Variants in ST8SIA4 observed in about 807,000 individuals in gnomAD.
The protein encoded by ST8SIA4 is CMP-N-acetylneuraminate-poly-alpha-2,8-sialyltransferase.
A neutral mutation model predicts 33.9 loss-of-function variants in ST8SIA4; 15 were observed. The observed-to-expected ratio is 0.44, with a 90% CI of 0.30 to 0.68. The LOEUF (loss-of-function observed/expected upper bound fraction) is 0.68. Ranked by LOEUF, ST8SIA4 falls within the 30% of genes least tolerant of loss-of-function variation. ST8SIA4 has a pLI of 0.10. For synonymous variants in ST8SIA4, 171 were observed against 151.2 expected (o/e 1.13, Z -0.96); for missense variants, 321 against 428.0 (o/e 0.75, Z 2.21).
At position 100,895,672 on chromosome 5, in the gene ST8SIA4, G is replaced by T; in HGVS notation, c.227C>A (p.Ser76Tyr). 1 of 1,611,138 alleles carries T rather than the reference G, an allele frequency of 6.2e-7. No homozygotes were observed. Among genetic ancestry groups the T allele is most frequent in the Non-Finnish European group, 8.5e-7 (1 of 1,178,364 alleles). Residue 76 changes from serine to tyrosine, a missense_variant, in exon 2 of 5, where the codon TCT (serine) becomes TAT (tyrosine). Coordinates refer to ENST00000231461, the MANE Select transcript of ST8SIA4 (RefSeq NM_005668.6). Reference sequence around the variant, plus strand: ...AACTCACCTTATCTCTAGGACCAAAGAGGAATTGATTTTCCAACCTTCTAC... The same window carrying T: ...AACTCACCTTATCTCTAGGACCAAATAGGAATTGATTTTCCAACCTTCTAC... Reference protein sequence around the residue: ...HNVEGWKINSSLVLEIRKNIL... With the variant: ...HNVEGWKINSYLVLEIRKNIL...
At chr5:100,860,612 T>C (rs1751915754) in intron 3 of ST8SIA4, among the ~76,000 whole-genome samples, 1 of 152,164 alleles carries the variant, frequency 6.6e-6, no homozygotes, top group African/African-American at 2.4e-5. Flanking sequence ...TAAAAAGTAG[T>C]ATCAACTTCA....
At chr5:100,899,103 A>G (rs1174604906) in intron 1 of ST8SIA4, among the ~76,000 whole-genome samples, 1 of 152,174 alleles carries the variant, frequency 6.6e-6, no homozygotes, top group East Asian at 1.9e-4. Flanking sequence ...ACTTCATGGT[A>G]TTAGGTCTCA....
chr5:100,858,006 C>A (rs1168207405), intron 3 of ST8SIA4, among the ~76,000 whole-genome samples: 5 of 151,964 alleles, frequency 3.3e-5, no homozygotes, highest in Non-Finnish European at 5.9e-5. Context: ...TATTCATTCT[C>A]ATTATGGTAA....
rs1243027447 is a variant in ST8SIA4, at chr5:100,895,841, A to G, written c.114-56T>C. The G allele has an allele frequency of 3.2e-6, 5 of 1,560,084 alleles. No homozygotes were observed. The East Asian group carries it at 1.1e-4, about 35-fold the overall frequency. Reference sequence around the variant, plus strand: ...AAAGTAAGAAACATTTTGTGTATACAGCACAGTACATAATTTGAATTAATT... The same window carrying G: ...AAAGTAAGAAACATTTTGTGTATACGGCACAGTACATAATTTGAATTAATT... On this transcript the variant is annotated intron_variant, in intron 1 of 4. Coordinates refer to ENST00000231461, the MANE Select transcript of ST8SIA4 (RefSeq NM_005668.6).
At chr5:100,877,892 G>T (rs1752340231) in intron 3 of ST8SIA4, among the ~76,000 whole-genome samples, 1 of 152,178 alleles carries the variant, frequency 6.6e-6, no homozygotes, top group African/African-American at 2.4e-5. Flanking sequence ...TGGGAAAATG[G>T]GTTGGCATTG....
chr5:100,854,744 C>T (rs1415044172), intron 4 of ST8SIA4, among the ~76,000 whole-genome samples: 1 of 152,132 alleles, frequency 6.6e-6, no homozygotes, highest in African/African-American at 2.4e-5. Flanking sequence ...ATACCTTAGC[C>T]CAGTTCCTAT....
At chr5:100,853,658 T>G (rs922961807) in intron 4 of ST8SIA4, among the ~76,000 whole-genome samples, 3 of 152,212 alleles carry the variant, frequency 2.0e-5, no homozygotes, top group Non-Finnish European at 4.4e-5. Flanking sequence ...GGACAAAAGA[T>G]AGGAGTCTTG....
intron 4 of ST8SIA4, among the ~76,000 whole-genome samples, chr5:100,817,180 G>A (rs762462791): frequency 4.6e-4 from 60 of 129,278 alleles, no homozygotes; most frequent in Non-Finnish European, 8.0e-4. Context: ...TGTTGGCCAG[G>A]CTGGTCTCAA....
At chr5:100,882,427 A>G (rs1249088208) in intron 3 of ST8SIA4, among the ~76,000 whole-genome samples, 1 of 152,222 alleles carries the variant, frequency 6.6e-6, no homozygotes, top group East Asian at 1.9e-4. Context: ...ACTCAGTTTT[A>G]GAAGAGAAAC....
At position 100,856,363 on chromosome 5, in the gene ST8SIA4, T is replaced by C. The variant is rs781238958; in HGVS notation, c.537A>G (p.Ala179=). 2.9e-5 allele frequency: 46 copies of C among 1,613,776 alleles called. No homozygotes were observed. The highest frequency in any genetic ancestry group is 3.8e-5 in the Non-Finnish European group (45 of 1,179,872). ...TAAAATCTGATTTAGTTCCCACATC[T>C]GCAGCAAACTCCACCACAGGAGCTA... The part of the protein sequence containing the change: ...CNLAPVVEFA[A]DVGTKSDFIT... Residue 179 remains alanine, a synonymous_variant, in exon 4 of 5, where the codon GCA becomes GCG. Coordinates refer to ENST00000231461, the MANE Select transcript of ST8SIA4 (RefSeq NM_005668.6).
At chr5:100,867,146 A>G (rs1752084611) in intron 3 of ST8SIA4, among the ~76,000 whole-genome samples, 2 of 152,088 alleles carry the variant, frequency 1.3e-5, no homozygotes, top group African/African-American at 4.8e-5. Flanking sequence ...CTTTGTAATT[A>G]AAAAGAAGTG....
At chr5:100,859,026 C>T (rs1436825462) in intron 3 of ST8SIA4, among the ~76,000 whole-genome samples, 1 of 152,050 alleles carries the variant, frequency 6.6e-6, no homozygotes, top group Non-Finnish European at 1.5e-5. Context: ...AAATTAACAA[C>T]TCTGTGGTTG....
At chr5:100,835,647 T>C (rs559101794) in intron 4 of ST8SIA4, among the ~76,000 whole-genome samples, 2 of 152,164 alleles carry the variant, frequency 1.3e-5, no homozygotes, top group Non-Finnish European at 2.9e-5. Flanking sequence ...AACGTCATTA[T>C]AGATGCTGTG....
rs145103055 is a variant in ST8SIA4 at position 100,838,555 on chromosome 5, T to C, written c.797+17548A>G. Among the ~76,000 whole-genome samples the C allele has an allele frequency of 3.7e-3, 556 of 152,148 alleles. 2 individuals carry two copies. The highest frequency in any genetic ancestry group is 0.013 in the African/African-American group (532 of 41,548). On this transcript the variant is annotated intron_variant, in intron 4 of 4. Transcript: ENST00000231461. ...GGCCAGAAGTAATATGTAAATTATG[T>C]ATTTTTTTCATTCCAGTCAAAACAT... is the stretch of plus-strand genomic sequence containing the variant.
chr5:100,823,109 A>T (rs752835976), intron 4 of ST8SIA4, among the ~76,000 whole-genome samples: 19 of 151,778 alleles, frequency 1.3e-4, no homozygotes, highest in Non-Finnish European at 1.3e-4. Flanking sequence ...CCAGCCTGGG[A>T]GACAGAGTGA....
intron 4 of ST8SIA4, among the ~76,000 whole-genome samples, chr5:100,829,565 C>A (rs1368389794): frequency 6.6e-6 from 1 of 152,050 alleles, no homozygotes; most frequent in Admixed American, 6.6e-5. Context: ...TAATAAAGTA[C>A]TTGTTGTGTA....
At chr5:100,861,798 T>C (rs1751950957) in intron 3 of ST8SIA4, among the ~76,000 whole-genome samples, 1 of 152,302 alleles carries the variant, frequency 6.6e-6, no homozygotes, top group African/African-American at 2.4e-5. Flanking sequence ...GAAGTATAAG[T>C]GACAAATAAA....
intron 3 of ST8SIA4, among the ~76,000 whole-genome samples, chr5:100,856,941 C>T (rs1751827712): frequency 6.6e-6 from 1 of 152,120 alleles, no homozygotes; most frequent in African/African-American, 2.4e-5. Context: ...AACATATTTA[C>T]AATTGCTTTC....
chr5:100,876,374 A>C (rs537471882), intron 3 of ST8SIA4, among the ~76,000 whole-genome samples: 2 of 152,206 alleles, frequency 1.3e-5, no homozygotes, highest in South Asian at 2.1e-4. Flanking sequence ...CAGGTGAGAA[A>C]TGGTACATAA....
Sources: gnomAD v4.1 joint callset for allele counts (sites outside exome capture counted in the v4.1 genomes callset) on GRCh38, gnomAD v4.1.1 for gene constraint, MANE v1.5 for transcripts, NCBI Gene and HGNC (gene_info 2026-07-23, HGNC 2026-07-21) for gene names.